PRKG1: variants seen among roughly 807,000 people sequenced by gnomAD.
The protein encoded by PRKG1 is cGMP-dependent protein kinase 1.
PRKG1 carries 35 observed loss-of-function variants against 88.1 expected under a neutral mutation model. That is an observed-to-expected ratio of 0.40 (90% CI 0.30 to 0.53). PRKG1 has a LOEUF of 0.53. Among genes scored for constraint, PRKG1 ranks in the 20% least tolerant of loss-of-function variants. PRKG1 has a pLI of 0.59. For missense variants in PRKG1, 540 were observed against 839.8 expected (o/e 0.64, Z 4.41); for synonymous variants, 303 against 292.5 (o/e 1.04, Z -0.37).
rs1839259846 is a variant in PRKG1 at position 51,804,702 on chromosome 10, T to G, written c.698+12T>G. 1 of 1,502,950 alleles carries G rather than the reference T, an allele frequency of 6.7e-7. No homozygotes were observed. Among genetic ancestry groups the G allele is most frequent in the Non-Finnish European group, 9.3e-7 (1 of 1,080,364 alleles). The allele number at this position is 1,502,950 out of a possible 1,614,324, so 93.1% of individuals were successfully genotyped here. On this transcript the variant is annotated intron_variant, in intron 4 of 17. Transcript: ENST00000373980. ...GAATTTTTAAAAAGGTAGGATGCTTTCTTTTCTCTTGTGAGAGTGTTTACT... is the reference window on the plus strand; with the variant it reads ...GAATTTTTAAAAAGGTAGGATGCTTGCTTTTCTCTTGTGAGAGTGTTTACT...
chr10:51,853,066 A>T (rs1297226484), intron 4 of PRKG1, among the ~76,000 whole-genome samples: 3 of 152,152 alleles, frequency 2.0e-5, no homozygotes, highest in Non-Finnish European at 2.9e-5. Flanking sequence ...TTTATGTTTT[A>T]TAGATGATTG....
chr10:51,537,727 C>CAAA (rs33928221), intron 3 of PRKG1, among the ~76,000 whole-genome samples: 1,109 of 107,242 alleles, frequency 0.01, 20 homozygotes, highest in East Asian at 0.046. Flanking sequence ...GAGTCTGTCT[C>CAAA]AAAAAAAAAA....
chr10:51,135,200 C>T (rs894297729), intron 1 of PRKG1, among the ~76,000 whole-genome samples: 17 of 152,232 alleles, frequency 1.1e-4, no homozygotes, highest in Admixed American at 9.2e-4. Flanking sequence ...GGAAAACTTT[C>T]CCAATTAAGG....
At chr10:52,233,169 T>C (rs1360438315) in intron 9 of PRKG1, among the ~76,000 whole-genome samples, 1 of 103,890 alleles carries the variant, frequency 9.6e-6, no homozygotes, top group African/African-American at 3.3e-5. Flanking sequence ...ATAACTTAGG[T>C]GAGGAAAAGG....
intron 1 of PRKG1, among the ~76,000 whole-genome samples, chr10:51,019,599 G>C (rs1029579642): frequency 6.6e-6 from 1 of 151,880 alleles, no homozygotes; most frequent in Non-Finnish European, 1.5e-5. Flanking sequence ...ATGGTTTCTT[G>C]AGGATGACAC....
At chr10:51,851,227 A>T (rs958124039) in intron 4 of PRKG1, among the ~76,000 whole-genome samples, 2 of 152,244 alleles carry the variant, frequency 1.3e-5, no homozygotes, top group Non-Finnish European at 2.9e-5. Flanking sequence ...ATTTGCATAA[A>T]AAAGGACTGG....
At position 51,907,514 on chromosome 10, in the gene PRKG1, A is replaced by G. The variant is rs1490296200; in HGVS notation, c.706A>G (p.Thr236Ala). 6.2e-7 allele frequency: 1 copy of G among 1,613,206 alleles called. No individual in the cohort carries two copies. Among genetic ancestry groups the G allele is most frequent in the South Asian group, 1.1e-5 (1 of 90,896 alleles). The change falls in exon 5 of 18, where the codon ACA becomes GCA. Residue 236 changes from threonine (T) to alanine (A), a missense_variant. Thr to Ala is a moderately conservative substitution (Grantham distance 58). Transcript: ENST00000373980. ...EYMEFLKSVP[T>A]FQSLPEEILS... ...TTCTGTTTTGTTTTTCAGCGTTCCAACATTCCAGAGCCTTCCTGAAGAGAT... is the reference window on the plus strand; with the variant it reads ...TTCTGTTTTGTTTTTCAGCGTTCCAGCATTCCAGAGCCTTCCTGAAGAGAT...
chr10:52,293,655 A>G, intron 17 of PRKG1, 147 bp from the exon 18 acceptor site: 1 of 632,224 alleles, frequency 1.6e-6, no homozygotes, highest in Non-Finnish European at 2.8e-6. Context: ...GCTTGTACTT[A>G]CCACTGTGAC....
At chr10:51,661,780 A>G (rs927081530) in intron 3 of PRKG1, among the ~76,000 whole-genome samples, 2 of 152,150 alleles carry the variant, frequency 1.3e-5, no homozygotes, top group East Asian at 3.8e-4. Context: ...ACATGCACAC[A>G]TATGTTTATT....
chr10:52,118,602 C>CT (rs1026654239), intron 7 of PRKG1, among the ~76,000 whole-genome samples: 1 of 151,918 alleles, frequency 6.6e-6, no homozygotes, highest in African/African-American at 2.4e-5. Context: ...GCCATGTTTG[C>CT]TTTTTTTCCC....
intron 2 of PRKG1, among the ~76,000 whole-genome samples, chr10:51,180,392 C>T (rs1427216358): frequency 1.3e-5 from 2 of 152,192 alleles, no homozygotes; most frequent in African/African-American, 2.4e-5. Context: ...CTTTTGCTGT[C>T]TGCTTCCCTC....
At chr10:51,935,026 G>T (rs1392106378) in intron 5 of PRKG1, among the ~76,000 whole-genome samples, 1 of 152,092 alleles carries the variant, frequency 6.6e-6, no homozygotes, top group Non-Finnish European at 1.5e-5. Context: ...CCGGCAATGG[G>T]AACTGGTGAC....
intron 8 of PRKG1, among the ~76,000 whole-genome samples, chr10:52,158,226 T>C (rs1487910457): frequency 6.6e-6 from 1 of 151,696 alleles, no homozygotes; most frequent in Non-Finnish European, 1.5e-5. Flanking sequence ...TTAAAACTCA[T>C]AAATAATATT....
rs185738576 is a variant in PRKG1 at position 51,955,580 on chromosome 10, G to A, written c.762+48010G>A. 9.2e-5 allele frequency among the ~76,000 whole-genome samples: 14 copies of A among 152,094 alleles called. No individual in the cohort carries two copies. In the East Asian group the frequency reaches 1.9e-3, roughly 21 times the overall value. ...AGATTTCGTAGGCAAAATGTCATTCGATTTCATTATTATGATGAATAGTTT... is the reference window on the plus strand; with the variant it reads ...AGATTTCGTAGGCAAAATGTCATTCAATTTCATTATTATGATGAATAGTTT... On this transcript the variant is annotated intron_variant, in intron 5 of 17. Transcript: ENST00000373980.
At chr10:51,752,142 T>A (rs1837742406) in intron 3 of PRKG1, among the ~76,000 whole-genome samples, 1 of 146,576 alleles carries the variant, frequency 6.8e-6, no homozygotes, top group Non-Finnish European at 1.5e-5. Flanking sequence ...CTTTCCATCA[T>A]TGTTTATGTC....
chr10:52,245,744 C>A (rs1841005055), intron 9 of PRKG1, among the ~76,000 whole-genome samples: 1 of 149,096 alleles, frequency 6.7e-6, no homozygotes, highest in African/African-American at 2.5e-5. Context: ...TAGATGTTAA[C>A]ACCATTTTAT....
At chr10:52,078,695 ATTTCATTAAT>A (rs1362672841) in intron 7 of PRKG1, among the ~76,000 whole-genome samples, 8 of 152,254 alleles carry the variant, frequency 5.3e-5, no homozygotes, top group Non-Finnish European at 1.2e-4. Flanking sequence ...AGCAACAACA[ATTTCATTAAT>A]TTTCCATTTG....
At chr10:50,995,647 C>T (rs1179239729) in intron 1 of PRKG1, among the ~76,000 whole-genome samples, 1 of 152,178 alleles carries the variant, frequency 6.6e-6, no homozygotes, top group African/African-American at 2.4e-5. Flanking sequence ...TACCTATTAT[C>T]CTTAATCCTT....
intron 2 of PRKG1, among the ~76,000 whole-genome samples, chr10:51,441,247 G>A (rs1301095395): frequency 1.3e-5 from 2 of 152,038 alleles, no homozygotes; most frequent in East Asian, 3.9e-4. Context: ...TCAATTTTAT[G>A]TTTAGTCAGT....
Sources: allele counts gnomAD v4.1 joint callset (sites outside exome capture counted in the v4.1 genomes callset), GRCh38; gene constraint gnomAD v4.1.1; transcripts MANE v1.5; gene names NCBI Gene and HGNC (gene_info 2026-07-23, HGNC 2026-07-21).